The following XPR1 variants were observed in gnomAD, a reference collection of about 807,000 sequenced individuals.
XPR1 encodes xenotropic and polytropic retrovirus receptor 1, also known as solute carrier family 53 member 1.
In XPR1, 28 loss-of-function variants were observed where a neutral mutation model predicts 87.5. The ratio of observed to expected loss-of-function variants is 0.32; its 90% CI spans 0.24 to 0.44. The LOEUF (loss-of-function observed/expected upper bound fraction) is 0.44. Among genes scored for constraint, XPR1 ranks in the 20% least tolerant of loss-of-function variants. XPR1 has a pLI of 1.00. For missense variants in XPR1, 559 were observed against 862.3 expected (o/e 0.65, Z 4.41); for synonymous variants, 300 against 306.1 (o/e 0.98, Z 0.21).
intron 1 of XPR1, among the ~76,000 whole-genome samples, chr1:180,672,859 A>G (rs556001746): frequency 8.5e-5 from 13 of 152,212 alleles, no homozygotes; most frequent in African/African-American, 2.6e-4. Context: ...ATCTGTTGTA[A>G]TTTTATTCAG....
At chr1:180,663,785 C>T (rs1257234983) in intron 1 of XPR1, among the ~76,000 whole-genome samples, 2 of 152,214 alleles carry the variant, frequency 1.3e-5, no homozygotes, top group Non-Finnish European at 2.9e-5. Context: ...GGAGCCAGGG[C>T]TTGCATTCTG....
intron 7 of XPR1, among the ~76,000 whole-genome samples, chr1:180,818,341 T>C (rs1281395662): frequency 6.6e-6 from 1 of 152,000 alleles, no homozygotes; most frequent in East Asian, 1.9e-4. Flanking sequence ...TTTTTTTTTT[T>C]TTAAACAGGT....
chr1:180,660,248 C>A (rs1190568820), intron 1 of XPR1, among the ~76,000 whole-genome samples: 1 of 151,906 alleles, frequency 6.6e-6, no homozygotes, highest in African/African-American at 2.4e-5. Flanking sequence ...TTATTTGGAT[C>A]TTCTCTTTTT....
chr1:180,729,605 G>A (rs538595416), intron 2 of XPR1, among the ~76,000 whole-genome samples: 10 of 152,304 alleles, frequency 6.6e-5, no homozygotes, highest in Non-Finnish European at 1.0e-4. Flanking sequence ...TGACTGGTGT[G>A]AGATGGTATC....
intron 9 of XPR1, among the ~76,000 whole-genome samples, chr1:180,832,011 C>A (rs1487478233): frequency 6.6e-6 from 1 of 152,188 alleles, no homozygotes; most frequent in African/African-American, 2.4e-5. Flanking sequence ...ATACTCCCAC[C>A]AACAGTGTAA....
chr1:180,852,314 A>G (rs959473382), intron 11 of XPR1, among the ~76,000 whole-genome samples: 2 of 152,148 alleles, frequency 1.3e-5, no homozygotes, highest in African/African-American at 4.8e-5. Context: ...CCCCAGTGGT[A>G]ACACTTTACA....
rs61193416 is a variant in XPR1, at chr1:180,715,230, A to C, written c.121+32819A>C. ...AAAGTGTTCAGAAATAAGGAAGGTA[A>C]TTATCTCACACTTCTTTACTGAATA... On this transcript the variant is annotated intron_variant, in intron 2 of 14. Coordinates refer to ENST00000367590, the MANE Select transcript of XPR1 (RefSeq NM_004736.4). Among the ~76,000 whole-genome samples the C allele has an allele frequency of 3.2e-3, 489 of 152,318 alleles. 5 individuals are homozygous for C. The highest frequency in any genetic ancestry group is 0.011 in the African/African-American group (453 of 41,554).
At chr1:180,651,256 T>C (rs1655284756) in intron 1 of XPR1, among the ~76,000 whole-genome samples, 1 of 152,112 alleles carries the variant, frequency 6.6e-6, no homozygotes, top group African/African-American at 2.4e-5. Flanking sequence ...CACACCCAGC[T>C]AATTTGTGTA....
chr1:180,704,814 GTTTTTTTTT>G (rs567903048), intron 2 of XPR1, among the ~76,000 whole-genome samples: 2 of 51,960 alleles, frequency 3.8e-5, no homozygotes, highest in Admixed American at 2.9e-4. Flanking sequence ...ACTGTTGGTT[GTTTTTTTTT>G]TTTTTTTTTT....
At chr1:180,865,558 G>A (rs943399719) in intron 12 of XPR1, among the ~76,000 whole-genome samples, 6 of 151,900 alleles carry the variant, frequency 3.9e-5, no homozygotes, top group Middle Eastern at 3.2e-3. Context: ...CCGCCACCAC[G>A]TCCGGTTAAT....
intron 2 of XPR1, among the ~76,000 whole-genome samples, chr1:180,711,223 AGAGGCTGCAATCTCGGCACTTTGG>A (rs1657773491): frequency 6.6e-6 from 1 of 152,180 alleles, no homozygotes; most frequent in African/African-American, 2.4e-5. Context: ...GCGGCCGGGC[AGAGGCTGCAATCTCGGCACTTTGG>A]GAGGCCAAGG....
chr1:180,687,626 A>G (rs1474899088), intron 2 of XPR1, among the ~76,000 whole-genome samples: 1 of 151,330 alleles, frequency 6.6e-6, no homozygotes, highest in Non-Finnish European at 1.5e-5. Flanking sequence ...AATTATGTTT[A>G]CTTTAATTTG....
At chr1:180,807,958 C>T (rs923651682) in intron 6 of XPR1, among the ~76,000 whole-genome samples, 1 of 152,060 alleles carries the variant, frequency 6.6e-6, no homozygotes, top group Admixed American at 6.6e-5. Context: ...GAGCCGAGAT[C>T]GCGCCACTGC....
intron 1 of XPR1, among the ~76,000 whole-genome samples, chr1:180,633,375 A>G (rs181991529): frequency 4.6e-5 from 7 of 152,356 alleles, no homozygotes; most frequent in Admixed American, 3.3e-4. Context: ...AAGAATATAA[A>G]ATCAATATGA....
At chr1:180,857,611 A>G (rs1004473187) in intron 11 of XPR1, among the ~76,000 whole-genome samples, 2 of 152,036 alleles carry the variant, frequency 1.3e-5, no homozygotes, top group Non-Finnish European at 2.9e-5. Flanking sequence ...CTCCTGGCTT[A>G]TTGATTCCTT....
intron 1 of XPR1, among the ~76,000 whole-genome samples, chr1:180,680,583 T>G (rs1379336517): frequency 2.0e-5 from 3 of 152,116 alleles, no homozygotes; most frequent in Non-Finnish European, 4.4e-5. Flanking sequence ...CAGGATGGTC[T>G]CGATCTTTTG....
At chr1:180,743,144 G>A (rs555090142) in intron 2 of XPR1, among the ~76,000 whole-genome samples, 1 of 150,706 alleles carries the variant, frequency 6.6e-6, no homozygotes, top group African/African-American at 2.4e-5. Context: ...TGTTATGTTT[G>A]GATTTAGATC....
At position 180,836,822 on chromosome 1, in the gene XPR1, C is replaced by G. The variant is rs1651311932; in HGVS notation, c.1501+106C>G. 1.4e-5 allele frequency: 19 copies of G among 1,341,588 alleles called. 2 individuals carry two copies. In the South Asian group the frequency reaches 2.5e-4, roughly 18 times the overall value. 83.1% of individuals were successfully genotyped at this position (1,341,588 alleles called of 1,614,324 possible). A position where few individuals can be genotyped will look rare whatever the true frequency, so the allele number is the denominator to read the frequency against. On this transcript the variant is annotated intron_variant, in intron 11 of 14. Coordinates refer to ENST00000367590, the MANE Select transcript of XPR1 (RefSeq NM_004736.4). ...TTCCATTTGTCATGCTCTTTTTTTT[C>G]CACTGAAATTTCAGTTCCTTCAGTT... is the stretch of plus-strand genomic sequence containing the variant.
intron 2 of XPR1, among the ~76,000 whole-genome samples, chr1:180,767,108 C>T (rs1648316321): frequency 6.6e-6 from 1 of 152,150 alleles, no homozygotes; most frequent in Admixed American, 6.5e-5. Flanking sequence ...CTACAAATGG[C>T]TATTTGGATT....
Sources: gnomAD v4.1 joint callset for allele counts (sites outside exome capture counted in the v4.1 genomes callset) on GRCh38, gnomAD v4.1.1 for gene constraint, MANE v1.5 for transcripts, NCBI Gene and HGNC (gene_info 2026-07-23, HGNC 2026-07-21) for gene names.